The following DOCK10 variants were observed in gnomAD, a reference collection of about 807,000 sequenced individuals.
DOCK10 encodes the protein dedicator of cytokinesis protein 10.
In DOCK10, 145 loss-of-function variants were observed where a neutral mutation model predicts 280.1. That is an observed-to-expected ratio of 0.52 (90% confidence interval 0.45 to 0.59). DOCK10 has a LOEUF of 0.59. DOCK10 is among the 20% of genes least tolerant of loss of function. The probability of loss-of-function intolerance (pLI) is 0.00; values close to 1 mark genes in which losing one functional copy is unlikely to be tolerated. For synonymous variants in DOCK10, 915 were observed against 942.2 expected, an observed-to-expected ratio of 0.97 and a Z score of 0.53; for missense variants, 2,368 against 2,651.7, an observed-to-expected ratio of 0.89 and a Z score of 2.35.
chr2:224,868,283 T>A (rs1698055669), intron 11 of DOCK10, among the ~76,000 whole-genome samples: 1 of 152,118 alleles, frequency 6.6e-6, no homozygotes, highest in African/African-American at 2.4e-5. Flanking sequence ...AAATGTCACA[T>A]ACAACAGAGA....
chr2:225,011,960 C>T (rs553169282), intron 1 of DOCK10, among the ~76,000 whole-genome samples: 5 of 152,138 alleles, frequency 3.3e-5, no homozygotes, highest in East Asian at 3.9e-4. Flanking sequence ...CATGTACTGT[C>T]GGGAAGAAGA....
intron 1 of DOCK10, among the ~76,000 whole-genome samples, chr2:225,008,960 T>TA (rs1267745176): frequency 2.0e-5 from 3 of 152,230 alleles, no homozygotes; most frequent in Non-Finnish European, 4.4e-5. Context: ...TCAAGCCAAA[T>TA]ACGTCCAGTG....
intron 52 of DOCK10, among the ~76,000 whole-genome samples, chr2:224,774,111 G>A (rs778121326): frequency 5.3e-5 from 8 of 152,096 alleles, no homozygotes; most frequent in Non-Finnish European, 1.0e-4. Context: ...GAAGGCAGAC[G>A]CTTGTCACAG....
chr2:224,979,040 C>T (rs537721393), intron 1 of DOCK10, among the ~76,000 whole-genome samples: 3 of 152,176 alleles, frequency 2.0e-5, no homozygotes, highest in Non-Finnish European at 4.4e-5. Flanking sequence ...CTTTTCACAG[C>T]CTCAACAACT....
intron 1 of DOCK10, among the ~76,000 whole-genome samples, chr2:225,018,480 A>C (rs1421909122): frequency 7.0e-6 from 1 of 143,250 alleles, no homozygotes; most frequent in African/African-American, 2.6e-5. Flanking sequence ...ATAAGATACC[A>C]TGTAAACATA....
intron 25 of DOCK10, among the ~76,000 whole-genome samples, chr2:224,835,049 G>C (rs1301725584): frequency 1.3e-5 from 2 of 152,166 alleles, no homozygotes; most frequent in Non-Finnish European, 2.9e-5. Context: ...AGAAGGAATG[G>C]CTTAATGTAG....
intron 24 of DOCK10, among the ~76,000 whole-genome samples, chr2:224,838,852 T>C (rs895625544): frequency 1.3e-5 from 2 of 152,164 alleles, no homozygotes; most frequent in African/African-American, 4.8e-5. Context: ...ATTAGAGATG[T>C]TGGAAGAATT....
intron 1 of DOCK10, among the ~76,000 whole-genome samples, chr2:224,996,123 C>T (rs781382608): frequency 6.6e-6 from 1 of 152,226 alleles, no homozygotes; most frequent in African/African-American, 2.4e-5. Flanking sequence ...CAAGCAAGTA[C>T]TTCGTTTCTC....
In DOCK10 at chr2:224,853,036, A is replaced by G. The variant is rs1442382690; in HGVS notation, c.1975T>C (p.Tyr659His). The change falls in exon 17 of 56, where the codon TAC becomes CAC. Residue 659 changes from tyrosine (Y) to histidine (H), a missense_variant. By Grantham distance (83) the Tyr-to-His change is moderately conservative. Transcript: ENST00000258390. ...EPTVEVEEFV[Y>H]DSTKYCRPYR... ...GGCCGACAATACTTTGTTGAATCGTAAACAAATTCTTCCACCTCCACTGTG... is the reference window on the plus strand; with the variant it reads ...GGCCGACAATACTTTGTTGAATCGTGAACAAATTCTTCCACCTCCACTGTG... The G allele has an allele frequency of 4.3e-6, 7 of 1,612,112 alleles. No individual in the cohort carries two copies. The highest frequency in any genetic ancestry group is 5.9e-6 in the Non-Finnish European group (7 of 1,178,680).
intron 2 of DOCK10, among the ~76,000 whole-genome samples, chr2:224,928,447 TATC>T (rs1385510077): frequency 1.3e-5 from 2 of 152,210 alleles, no homozygotes; most frequent in African/African-American, 2.4e-5. Context: ...TGTTTTGAAA[TATC>T]ATCTTTTTTT....
At position 224,793,514 on chromosome 2, in the gene DOCK10, C is replaced by T. The variant is rs1408565494; in HGVS notation, c.5155-57G>A. Reference sequence around the variant, plus strand: ...GGGATGGAGTTTAATATAATTAGGGCTAATCTTCCAAGGCGAGTCAGTATT... The same window carrying T: ...GGGATGGAGTTTAATATAATTAGGGTTAATCTTCCAAGGCGAGTCAGTATT... On this transcript the variant is annotated intron_variant, in intron 45 of 55. Transcript: ENST00000258390. The T allele has an allele frequency of 3.6e-6, 5 of 1,391,808 alleles. No individual in the cohort carries two copies. In the East Asian group the frequency reaches 1.2e-4, roughly 32 times the overall value. The allele number at this position is 1,391,808 out of a possible 1,614,324, so 86.2% of individuals were successfully genotyped here. A position where few individuals can be genotyped will look rare whatever the true frequency, so the allele number is the denominator to read the frequency against.
intron 11 of DOCK10, among the ~76,000 whole-genome samples, chr2:224,869,156 G>A (rs1394131515): frequency 6.6e-6 from 1 of 152,104 alleles, no homozygotes; most frequent in Non-Finnish European, 1.5e-5. Context: ...AACTCGCAAA[G>A]ATAAAATTTT....
intron 1 of DOCK10, among the ~76,000 whole-genome samples, chr2:224,985,066 C>T (rs995486765): frequency 1.3e-5 from 2 of 151,094 alleles, no homozygotes; most frequent in Non-Finnish European, 2.9e-5. Context: ...CAGGTGTCTG[C>T]TATTTTTATT....
chr2:224,825,048 CAGA>C (rs1179055767), intron 27 of DOCK10, among the ~76,000 whole-genome samples: 1 of 146,144 alleles, frequency 6.8e-6, no homozygotes, highest in Non-Finnish European at 1.5e-5. Context: ...GGTACGATCT[CAGA>C]TCACTGCAAC....
chr2:224,882,972 C>T (rs149378511), intron 7 of DOCK10, among the ~76,000 whole-genome samples: 1,725 of 152,274 alleles, frequency 0.011, 11 homozygotes, highest in Non-Finnish European at 0.017. Context: ...CCAGAGTGAT[C>T]CCAAGAAACT....
chr2:224,901,281 C>T (rs1432354686), intron 3 of DOCK10, among the ~76,000 whole-genome samples: 8 of 152,168 alleles, frequency 5.3e-5, no homozygotes, highest in Non-Finnish European at 1.0e-4. Flanking sequence ...TACAGTAAGA[C>T]AATGACTCCA....
At position 224,805,267 on chromosome 2, in the gene DOCK10, A is replaced by T; in HGVS notation, c.3990T>A (p.Asp1330Glu). ...IGSTLRFDKL[D>E]QAETRSLLMC... The stretch of plus-strand genomic sequence containing the variant: ...TCAGGAGACTCCTGGTTTCTGCTTG[A>T]TCTAACTTGTCAAATCGAAGAGTTG... Residue 1330 changes from aspartate to glutamate, a missense_variant, in exon 36 of 56, where the codon GAT becomes GAA. Asp to Glu is a conservative substitution (Grantham distance 45, BLOSUM62 2). This residue lies in a region of DOCK10 where 1,159 missense variants were observed against 1,400.8 expected (regional missense o/e 0.83). Coordinates refer to ENST00000258390, the MANE Select transcript of DOCK10 (RefSeq NM_014689.3). The surrounding 1 kb of genome is among the most constrained non-coding windows in gnomAD (Gnocchi z 4.3). 1 of 1,613,142 alleles carries T rather than the reference A, an allele frequency of 6.2e-7. No homozygotes were observed. Among genetic ancestry groups the T allele is most frequent in the Non-Finnish European group, 8.5e-7 (1 of 1,179,370 alleles).
intron 47 of DOCK10, among the ~76,000 whole-genome samples, chr2:224,789,969 C>T (rs6754563): frequency 0.31 from 47,146 of 151,838 alleles, 8,381 homozygotes; most frequent in East Asian, 0.78. Flanking sequence ...TTAGTAGAGA[C>T]GGGGTTTCAC....
At chr2:224,913,986 C>T (rs1047519592) in intron 3 of DOCK10, among the ~76,000 whole-genome samples, 1 of 152,224 alleles carries the variant, frequency 6.6e-6, no homozygotes, top group African/African-American at 2.4e-5. Flanking sequence ...ATCCGCCTGC[C>T]TTGGCCTCCC....
Sources: gnomAD v4.1 joint callset for allele counts (sites outside exome capture counted in the v4.1 genomes callset) on GRCh38, gnomAD v4.1.1 for gene constraint, gnomAD v4.1.1 regional missense constraint, Gnocchi (gnomAD v3.1) non-coding constraint, MANE v1.5 for transcripts, NCBI Gene and HGNC (gene_info 2026-07-23, HGNC 2026-07-21) for gene names.